The following ZFHX3 variants were observed in gnomAD, a reference collection of about 807,000 sequenced individuals.
The protein encoded by ZFHX3 is zinc finger homeobox 3.
In ZFHX3, 42 loss-of-function variants were observed where a neutral mutation model predicts 279.1. The observed-to-expected ratio is 0.15, with a 90% CI of 0.12 to 0.19. ZFHX3 has a LOEUF of 0.19. Among genes scored for constraint, ZFHX3 ranks in the 10% least tolerant of loss-of-function variants. The pLI is 1.00. For synonymous variants in ZFHX3, 2,293 were observed against 1,957.8 expected (o/e 1.17, Z -4.52); for missense variants, 4,981 against 4,754.0 (o/e 1.05, Z -1.40).
At chr16:73,391,280 T>A (rs2017008226) in intron 3 of ZFHX3, among the ~76,000 whole-genome samples, 2 of 152,054 alleles carry the variant, frequency 1.3e-5, no homozygotes, top group South Asian at 4.2e-4. Flanking sequence ...CTGGCCAACA[T>A]GGTGAAACCC....
intron 1 of ZFHX3, among the ~76,000 whole-genome samples, chr16:73,707,432 A>G (rs2053315161): frequency 6.6e-6 from 1 of 152,088 alleles, no homozygotes; most frequent in African/African-American, 2.4e-5. Context: ...TTTATGTAAC[A>G]TTAAGTAGGG....
intron 5 of ZFHX3, among the ~76,000 whole-genome samples, chr16:73,166,713 G>T (rs1436953083): frequency 6.6e-6 from 1 of 152,180 alleles, no homozygotes; most frequent in Non-Finnish European, 1.5e-5. Flanking sequence ...ATTTTTAGCT[G>T]TTTTTAGGAA....
chr16:73,421,792 G>T (rs537874271), intron 3 of ZFHX3, among the ~76,000 whole-genome samples: 1 of 152,204 alleles, frequency 6.6e-6, no homozygotes, highest in African/African-American at 2.4e-5. Context: ...TGGGTTTGTT[G>T]GTCAGGATTT....
intron 3 of ZFHX3, among the ~76,000 whole-genome samples, chr16:73,449,792 T>C (rs1597339902): frequency 6.6e-6 from 1 of 152,304 alleles, no homozygotes; most frequent in East Asian, 1.9e-4. Flanking sequence ...TGTCTAATAC[T>C]GAAGCATGAA....
intron 1 of ZFHX3, among the ~76,000 whole-genome samples, chr16:73,036,602 T>G (rs1964915600): frequency 2.1e-5 from 3 of 140,224 alleles, no homozygotes; most frequent in South Asian, 2.3e-4. Context: ...GAGGTGGAGG[T>G]AGAGGGTAGA....
intron 4 of ZFHX3, among the ~76,000 whole-genome samples, chr16:73,262,579 G>A (rs75374756): frequency 6.6e-6 from 1 of 152,178 alleles, no homozygotes; most frequent in Non-Finnish European, 1.5e-5. Flanking sequence ...TAAAAAAAGG[G>A]CTTGAGGAGA....
At chr16:73,815,132 A>T (rs765695612) in intron 1 of ZFHX3, among the ~76,000 whole-genome samples, 3 of 152,236 alleles carry the variant, frequency 2.0e-5, no homozygotes, top group Admixed American at 6.5e-5. Context: ...GCACTCAACA[A>T]GTAGTAGAAT....
intron 3 of ZFHX3, among the ~76,000 whole-genome samples, chr16:73,349,010 G>A (rs1041114503): frequency 6.6e-6 from 1 of 152,126 alleles, no homozygotes; most frequent in Admixed American, 6.5e-5. Context: ...ATTATCCTGG[G>A]GGTCCACAGG....
chr16:73,369,420 G>T (rs28609684), intron 3 of ZFHX3, among the ~76,000 whole-genome samples: 9,138 of 152,266 alleles, frequency 0.06, 900 homozygotes, highest in African/African-American at 0.21. Flanking sequence ...TGCACAAATC[G>T]AATGCCCGTG....
intron 1 of ZFHX3, among the ~76,000 whole-genome samples, chr16:73,731,449 G>A (rs1345996514): frequency 1.3e-5 from 2 of 151,004 alleles, no homozygotes; most frequent in South Asian, 2.1e-4. Flanking sequence ...CTCAATTGGC[G>A]CTGACATAAA....
chr16:73,491,582 C>T (rs1266236335), intron 2 of ZFHX3, among the ~76,000 whole-genome samples: 1 of 152,180 alleles, frequency 6.6e-6, no homozygotes, highest in Non-Finnish European at 1.5e-5. Context: ...TGTGTGTTTA[C>T]ATGGGTAGCA....
At chr16:73,387,390 C>A (rs1567468277) in intron 3 of ZFHX3, 1 of 152,068 alleles carries the variant, frequency 6.6e-6, no homozygotes, top group Non-Finnish European at 1.5e-5. Context: ...GAGGGAAAAT[C>A]AGACATTAGG....
At chr16:73,163,107 G>A (rs564456234) in intron 5 of ZFHX3, among the ~76,000 whole-genome samples, 62 of 152,232 alleles carry the variant, frequency 4.1e-4, no homozygotes, top group Admixed American at 6.5e-4. Context: ...TCATTCAGTC[G>A]GGACAACACA....
chr16:73,321,022 G>A (rs1242491309), intron 3 of ZFHX3, among the ~76,000 whole-genome samples: 2 of 152,162 alleles, frequency 1.3e-5, no homozygotes, highest in Non-Finnish European at 2.9e-5. Flanking sequence ...CCAACAGAGG[G>A]ATCTGACCCC....
chr16:72,916,346 GTC>G (rs896029132), intron 3 of ZFHX3, among the ~76,000 whole-genome samples: 5 of 152,186 alleles, frequency 3.3e-5, no homozygotes, highest in African/African-American at 1.2e-4. Context: ...ATGGTAAGAG[GTC>G]TCTGTACTTA....
intron 5 of ZFHX3, among the ~76,000 whole-genome samples, chr16:73,181,076 T>TGTTG (rs1967781515): frequency 1.8e-5 from 2 of 111,410 alleles, no homozygotes; most frequent in African/African-American, 4.3e-5. Flanking sequence ...CTAGTTTTTT[T>TGTTG]GTTTGTTTGT....
chr16:73,494,529 T>G (rs1051889275), intron 2 of ZFHX3, among the ~76,000 whole-genome samples: 1 of 152,148 alleles, frequency 6.6e-6, no homozygotes, highest in African/African-American at 2.4e-5. Context: ...CTGTGTATAT[T>G]AAAACTCCCC....
At chr16:73,689,195 A>G (rs987044972) in intron 1 of ZFHX3, among the ~76,000 whole-genome samples, 2 of 152,234 alleles carry the variant, frequency 1.3e-5, no homozygotes, top group African/African-American at 4.8e-5. Context: ...AATTCAAAAT[A>G]TCAAAATAAG....
intron 5 of ZFHX3, among the ~76,000 whole-genome samples, chr16:73,230,842 C>A (rs1055349842): frequency 1.3e-5 from 2 of 152,196 alleles, no homozygotes; most frequent in East Asian, 3.9e-4. Flanking sequence ...AGTGTTCCTG[C>A]TGCCGCTGCT....
Sources: gnomAD v4.1 joint callset for allele counts (sites outside exome capture counted in the v4.1 genomes callset) on GRCh38, gnomAD v4.1.1 for gene constraint, MANE v1.5 for transcripts, NCBI Gene and HGNC (gene_info 2026-07-23, HGNC 2026-07-21) for gene names.